PDE1A: variants seen among roughly 807,000 people sequenced by gnomAD.
The protein encoded by PDE1A is dual specificity calcium/calmodulin-dependent 3',5'-cyclic nucleotide phosphodiesterase 1A.
Under a neutral mutation model 61.7 loss-of-function variants are expected in PDE1A, and 35 were observed. The observed-to-expected ratio is 0.57, with a 90% CI of 0.43 to 0.75. The LOEUF (loss-of-function observed/expected upper bound fraction) is 0.75. PDE1A is among the 30% of genes least tolerant of loss of function. PDE1A has a pLI of 0.00. For missense variants in PDE1A, 597 were observed against 630.6 expected, an observed-to-expected ratio of 0.95 and a Z score of 0.57; for synonymous variants, 232 against 213.2, an observed-to-expected ratio of 1.09 and a Z score of -0.77.
At chr2:182,493,756 T>A (rs1007842329) in intron 2 of PDE1A, among the ~76,000 whole-genome samples, 2 of 152,110 alleles carry the variant, frequency 1.3e-5, no homozygotes, top group African/African-American at 4.8e-5. Context: ...TAAAAAAGGA[T>A]GAGTTCATGT....
intron 2 of PDE1A, among the ~76,000 whole-genome samples, chr2:182,501,548 T>G (rs1016860516): frequency 6.6e-6 from 1 of 152,226 alleles, no homozygotes; most frequent in Non-Finnish European, 1.5e-5. Context: ...CACAGAAGTC[T>G]TCTACAGAGG....
At chr2:182,508,264 A>T (rs890799341) in intron 2 of PDE1A, among the ~76,000 whole-genome samples, 3 of 152,086 alleles carry the variant, frequency 2.0e-5, no homozygotes, top group Non-Finnish European at 4.4e-5. Flanking sequence ...TATACAACAA[A>T]TCGATAGCTA....
At chr2:182,328,683 G>A (rs1340788432) in intron 1 of PDE1A, among the ~76,000 whole-genome samples, 1 of 152,124 alleles carries the variant, frequency 6.6e-6, no homozygotes, top group Non-Finnish European at 1.5e-5. Context: ...GGGAGCAGGT[G>A]GTTAAGAGAG....
At chr2:182,347,741 A>G (rs1559362044) in intron 1 of PDE1A, among the ~76,000 whole-genome samples, 1 of 152,176 alleles carries the variant, frequency 6.6e-6, no homozygotes, top group Non-Finnish European at 1.5e-5. Flanking sequence ...ACAAGAATGT[A>G]TATAAATAAT....
At chr2:182,662,336 A>T in the PDE1A span, among the ~76,000 whole-genome samples, 1 of 73,736 alleles carries the variant, frequency 1.4e-5, no homozygotes, top group South Asian at 4.5e-4. Flanking sequence ...AATTGAAAAA[A>T]AAAAGAAAAA....
chr2:182,174,515 T>C (rs893098188), intron 13 of PDE1A, among the ~76,000 whole-genome samples: 1 of 152,020 alleles, frequency 6.6e-6, no homozygotes, highest in Non-Finnish European at 1.5e-5. Flanking sequence ...AAAACAACTG[T>C]TTCTTGCATT....
chr2:182,183,770 A>G (rs944801867), intron 13 of PDE1A, among the ~76,000 whole-genome samples: 4 of 152,148 alleles, frequency 2.6e-5, no homozygotes, highest in Non-Finnish European at 5.9e-5. Flanking sequence ...AAAATATGCT[A>G]ACAATGAATG....
intron 7 of PDE1A, among the ~76,000 whole-genome samples, chr2:182,217,758 G>A (rs1446356328): frequency 6.9e-6 from 1 of 145,440 alleles, no homozygotes; most frequent in Non-Finnish European, 1.5e-5. Flanking sequence ...TCATTAAAAA[G>A]TCAGGAAACA....
At chr2:182,649,138 T>C in the PDE1A span, among the ~76,000 whole-genome samples, 1 of 151,852 alleles carries the variant, frequency 6.6e-6, no homozygotes, top group Non-Finnish European at 1.5e-5. Context: ...AAGAAGAAAA[T>C]GAGATGTGAG....
chr2:182,658,047 T>TC, the PDE1A span, among the ~76,000 whole-genome samples: 1 of 66,662 alleles, frequency 1.5e-5, no homozygotes, highest in Non-Finnish European at 2.6e-5. Context: ...AGCTTCTCAG[T>TC]AAAAAAAAAA....
At chr2:182,620,633 C>G in the PDE1A span, among the ~76,000 whole-genome samples, 3 of 152,154 alleles carry the variant, frequency 2.0e-5, no homozygotes, top group Non-Finnish European at 4.4e-5. Flanking sequence ...ATTAGAAGAA[C>G]AAGAATAATA....
chr2:182,443,653 G>A (rs1684938973), intron 2 of PDE1A, among the ~76,000 whole-genome samples: 1 of 150,950 alleles, frequency 6.6e-6, no homozygotes, highest in Admixed American at 6.6e-5. Context: ...TTCCTCTACA[G>A]CCTGTGCAAA....
intron 2 of PDE1A, chr2:182,242,082 C>T: frequency 7.7e-7 from 1 of 1,300,878 alleles, no homozygotes; most frequent in South Asian, 2.3e-5. Flanking sequence ...CTTGTGATGT[C>T]ACCATGCTCC....
intron 1 of PDE1A, among the ~76,000 whole-genome samples, chr2:182,268,933 C>A (rs939836898): frequency 1.3e-5 from 2 of 151,778 alleles, no homozygotes; most frequent in Admixed American, 6.6e-5. Flanking sequence ...GGTCTCTCAG[C>A]AAATAAAAAA....
At chr2:182,236,973 G>T (rs1410253111) in intron 3 of PDE1A, among the ~76,000 whole-genome samples, 1 of 152,162 alleles carries the variant, frequency 6.6e-6, no homozygotes, top group Non-Finnish European at 1.5e-5. Context: ...AGAACACTAA[G>T]ATGGAAAATT....
intron 3 of PDE1A, among the ~76,000 whole-genome samples, chr2:182,239,341 C>T (rs890710503): frequency 6.6e-6 from 1 of 152,102 alleles, no homozygotes; most frequent in Non-Finnish European, 1.5e-5. Context: ...CATATAATTT[C>T]ATGTAATTAT....
intron 1 of PDE1A, among the ~76,000 whole-genome samples, chr2:182,345,816 C>T (rs1377433883): frequency 6.6e-6 from 1 of 152,204 alleles, no homozygotes; most frequent in African/African-American, 2.4e-5. Flanking sequence ...TCTGCCAGCA[C>T]TCTCATGTCC....
chr2:182,574,494 A>C, the PDE1A span, among the ~76,000 whole-genome samples: 2 of 152,228 alleles, frequency 1.3e-5, no homozygotes, highest in Non-Finnish European at 2.9e-5. Context: ...CCTTTGTACA[A>C]CCAGAAACGC....
At chr2:182,323,070 A>G (rs1696805019) in intron 1 of PDE1A, among the ~76,000 whole-genome samples, 1 of 152,174 alleles carries the variant, frequency 6.6e-6, no homozygotes, top group African/African-American at 2.4e-5. Context: ...TTGTCTGCTG[A>G]CTTATTACAA....
Sources: gnomAD v4.1 joint callset for allele counts (sites outside exome capture counted in the v4.1 genomes callset) on GRCh38, gnomAD v4.1.1 for gene constraint, MANE v1.5 for transcripts, NCBI Gene and HGNC (gene_info 2026-07-23, HGNC 2026-07-21) for gene names.